The following ADAMTS13 variants were observed in gnomAD, a reference collection of about 807,000 sequenced individuals.
ADAMTS13 encodes ADAM metallopeptidase with thrombospondin type 1 motif 13.
ADAMTS13 carries 110 observed loss-of-function variants against 155.1 expected under a neutral mutation model. That is an observed-to-expected ratio of 0.71 (90% CI 0.61 to 0.83). ADAMTS13 has a LOEUF of 0.83. ADAMTS13 is among the 40% of genes least tolerant of loss of function. The probability of loss-of-function intolerance (pLI) is 0.00; values close to 1 mark genes in which losing one functional copy is unlikely to be tolerated. For synonymous variants in ADAMTS13, 758 were observed against 756.4 expected (o/e 1.00, Z -0.03); for missense variants, 1,707 against 1,891.7 (o/e 0.90, Z 1.81).
upstream of ADAMTS13, chr9:133,422,113 G>C (rs1039321018): frequency 1.4e-5 from 5 of 366,800 alleles, no homozygotes; most frequent in East Asian, 2.6e-4. Flanking sequence ...TGGGTTTCTG[G>C]TCCAGTGTCC....
At position 133,456,036 on chromosome 9, in the gene ADAMTS13, G is replaced by A; in HGVS notation, c.3401-33G>A. ...GCCTGCCCTGCTGGGAATCGGGGAA[G>A]CACTGCTTACCTGTCTCCTGCTCCC... On this transcript the variant is annotated intron_variant, in intron 25 of 28. Coordinates refer to ENST00000355699, the MANE Select transcript of ADAMTS13 (RefSeq NM_139027.6). This position sits in a 1 kb window ranked among gnomAD's most constrained non-coding sequence, Gnocchi z 4.4. 3 of 1,612,964 alleles carry A rather than the reference G, an allele frequency of 1.9e-6. No individual in the cohort carries two copies. The highest frequency in any genetic ancestry group is 2.2e-5 in the East Asian group (1 of 44,884).
chr9:133,458,723 G>A (rs4962050), intron 28 of ADAMTS13, among the ~76,000 whole-genome samples: 24 of 152,158 alleles, frequency 1.6e-4, no homozygotes, highest in African/African-American at 5.3e-4. Context: ...GGAGAACTGT[G>A]TTCTGCAGGG....
At chr9:133,435,282 G>T (rs1368262726) in intron 11 of ADAMTS13, among the ~76,000 whole-genome samples, 1 of 151,648 alleles carries the variant, frequency 6.6e-6, no homozygotes, top group Non-Finnish European at 1.5e-5. Flanking sequence ...CGCCTCCTGG[G>T]TTCAAGCGAT....
In ADAMTS13 at chr9:133,443,482, C is replaced by T. The variant is rs1554791538; in HGVS notation, c.2341C>T (p.Pro781Ser). The change falls in exon 19 of 29, where the codon CCC becomes TCC. Residue 781 changes from proline (P) to serine (S), a missense_variant. Coordinates refer to ENST00000355699, the MANE Select transcript of ADAMTS13 (RefSeq NM_139027.6). ...EAQGSLLKTL[P>S]PARCRAGAQQ... ...CCAGGGCAGCCTCCTGAAGACATTGCCCCCAGCCCGGTGCAGAGCAGGGGC... is the reference window on the plus strand; with the variant it reads ...CCAGGGCAGCCTCCTGAAGACATTGTCCCCAGCCCGGTGCAGAGCAGGGGC... 3.1e-6 allele frequency: 5 copies of T among 1,589,266 alleles called. No individual in the cohort carries two copies. In the African/African-American group the frequency reaches 4.0e-5, roughly 13 times the overall value.
Position 133,425,617 on chromosome 9 carries a change from G to A in ADAMTS13, c.414+5G>A. 6.2e-7 allele frequency: 1 copy of A among 1,613,046 alleles called. No individual in the cohort carries two copies. Among genetic ancestry groups the A allele is most frequent in the Non-Finnish European group, 8.5e-7 (1 of 1,179,760 alleles). ...GTCATTCTGACAGAGCCTGAGGTAG[G>A]CATGGAGCTGGAACTCAGCACACCA... On this transcript the variant is annotated splice_donor_5th_base_variant and intron_variant, in intron 4 of 28. Transcript: ENST00000355699. The surrounding 1 kb of genome is among the most constrained non-coding windows in gnomAD (Gnocchi z 4.6).
At position 133,445,362 on chromosome 9, in the gene ADAMTS13, C is replaced by T. The variant is rs2130891504; in HGVS notation, c.2610+310C>T. 6.6e-6 allele frequency among the ~76,000 whole-genome samples: 1 copy of T among 152,306 alleles called. No individual in the cohort carries two copies. The highest frequency in any genetic ancestry group is 1.5e-5 in the Non-Finnish European group (1 of 68,002). ...GTCCAGGGGCTGGAGGCTGACTGGC[C>T]TTGCTCTCTGGCCTGGGTGCTGGCA... On this transcript the variant is annotated intron_variant, in intron 20 of 28. Coordinates refer to ENST00000355699, the MANE Select transcript of ADAMTS13 (RefSeq NM_139027.6). This position sits in a 1 kb window ranked among gnomAD's most constrained non-coding sequence, Gnocchi z 5.0.
At position 133,425,448 on chromosome 9, in the gene ADAMTS13, G is replaced by T; in HGVS notation, c.331-81G>T. On this transcript the variant is annotated intron_variant, in intron 3 of 28. Transcript: ENST00000355699. This position sits in a 1 kb window ranked among gnomAD's most constrained non-coding sequence, Gnocchi z 4.6. ...TAGCCTCTCCAGCTCTTCACACTCC[G>T]GGGGCCCCTGGGAGTCAGCAGCTGC... 1 of 1,313,602 alleles carries T rather than the reference G, an allele frequency of 7.6e-7. No homozygotes were observed. The allele number at this position is 1,313,602 out of a possible 1,614,324, so 81.4% of individuals were successfully genotyped here. A position where few individuals can be genotyped will look rare whatever the true frequency, so the allele number is the denominator to read the frequency against.
intron 22 of ADAMTS13, 36 bp downstream of exon 22, chr9:133,448,764 TCCCTGTAA>T (rs1268615259): frequency 6.3e-7 from 1 of 1,592,792 alleles, no homozygotes; most frequent in African/African-American, 1.3e-5. Context: ...GCTGGCCTTC[TCCCTGTAA>T]GTGGGAGACC....
At chr9:133,429,253 C>G (rs1314524043) in intron 7 of ADAMTS13, among the ~76,000 whole-genome samples, 4 of 129,240 alleles carry the variant, frequency 3.1e-5, no homozygotes, top group African/African-American at 6.0e-5. Context: ...CTGTCCAACC[C>G]CTGCGCCCAC....
rs782627692 is a variant in ADAMTS13, at chr9:133,456,827, C to G, written c.3724+108C>G. 15 of 1,374,536 alleles carry G rather than the reference C, an allele frequency of 1.1e-5. No homozygotes were observed. In the South Asian group the frequency reaches 1.6e-4, roughly 15 times the overall value. 85.1% of individuals were successfully genotyped at this position (1,374,536 alleles called of 1,614,324 possible). ...GTCCCAGTGGGGCAGTGGGAAGATA[C>G]GGAGGGAACTGACTGAGATGGAAGG... On this transcript the variant is annotated intron_variant, in intron 27 of 28. Coordinates refer to ENST00000355699, the MANE Select transcript of ADAMTS13 (RefSeq NM_139027.6). This position sits in a 1 kb window ranked among gnomAD's most constrained non-coding sequence, Gnocchi z 4.4.
Position 133,445,520 on chromosome 9 carries a change from A to T in ADAMTS13, c.2611-179A>T, listed in dbSNP as rs77077297. ...AGGAGCCTGCAAAGGTGGGGTGTGCAGCAAGGATACCCGCTGCGAGACCGG... is the reference window on the plus strand; with the variant it reads ...AGGAGCCTGCAAAGGTGGGGTGTGCTGCAAGGATACCCGCTGCGAGACCGG... On this transcript the variant is annotated intron_variant, in intron 20 of 28. Coordinates refer to ENST00000355699, the MANE Select transcript of ADAMTS13 (RefSeq NM_139027.6). The surrounding 1 kb of genome is among the most constrained non-coding windows in gnomAD (Gnocchi z 5.0). Among the ~76,000 whole-genome samples, 80 of 152,328 alleles carry T rather than the reference A, an allele frequency of 5.3e-4. No individual in the cohort carries two copies. The East Asian group carries it at 0.015, about 29-fold the overall frequency.
chr9:133,451,498 T>C (rs1418446975), intron 23 of ADAMTS13, among the ~76,000 whole-genome samples: 1 of 152,216 alleles, frequency 6.6e-6, no homozygotes, highest in Admixed American at 6.5e-5. Flanking sequence ...CCTCAGGAGA[T>C]CTGCCTACCT....
rs28408693 is a variant in ADAMTS13, at chr9:133,444,646, A to C, written c.2421-217A>C. Among the ~76,000 whole-genome samples, 4,969 of 152,138 alleles carry C rather than the reference A, an allele frequency of 0.033. 104 individuals carry two copies. The highest frequency in any genetic ancestry group is 0.037 in the Non-Finnish European group (2,536 of 67,998). ...GTGCAGGTGGGGTGCCTGACTGTTG[A>C]GCAGCGAGTGCTTGTTGAATGGGAA... On this transcript the variant is annotated intron_variant, in intron 19 of 28. Transcript: ENST00000355699.
At chr9:133,455,832 T>A in intron 25 of ADAMTS13, 1 of 761,992 alleles carries the variant, frequency 1.3e-6, no homozygotes, top group Non-Finnish European at 2.2e-6. Context: ...CCCTAGCCTC[T>A]GGGCTGCTCT....
Position 133,445,638 on chromosome 9 carries a change from C to A in ADAMTS13, c.2611-61C>A. On this transcript the variant is annotated intron_variant, in intron 20 of 28. Transcript: ENST00000355699. This position sits in a 1 kb window ranked among gnomAD's most constrained non-coding sequence, Gnocchi z 5.0. ...CTGCTGCTGCCTGAGAAGATCGAGA[C>A]GGGGATCGCTGGGTCCTCAGAGGAG... 1 of 1,611,092 alleles carries A rather than the reference C, an allele frequency of 6.2e-7. No homozygotes were observed. The highest frequency in any genetic ancestry group is 2.2e-5 in the East Asian group (1 of 44,842).
In ADAMTS13 at chr9:133,443,576, A is replaced by G. The variant is rs1554791608; in HGVS notation, c.2420+15A>G. The G allele has an allele frequency of 1.3e-6, 2 of 1,532,882 alleles. No homozygotes were observed. Among genetic ancestry groups the G allele is most frequent in the Admixed American group, 2.0e-5 (1 of 51,020 alleles). The allele number at this position is 1,532,882 out of a possible 1,614,324, so 95.0% of individuals were successfully genotyped here. A position where few individuals can be genotyped will look rare whatever the true frequency, so the allele number is the denominator to read the frequency against. On this transcript the variant is annotated intron_variant, in intron 19 of 28. Coordinates refer to ENST00000355699, the MANE Select transcript of ADAMTS13 (RefSeq NM_139027.6). ...TGCCCTGCCAGGTGAGCCCAGGGCT[A>G]GGTGGGGCTGGGAGAGGGCCTTCCT...
Position 133,438,276 on chromosome 9 carries a change from C to T in ADAMTS13, c.1615C>T (p.Gln539Ter), listed in dbSNP as rs1554789690. ...TFGCDGRMDS[Q>*]QVWDRCQVCG... Reference sequence around the variant, plus strand: ...TGGCTGTGATGGTAGGATGGACTCCCAGCAGGTATGGGACAGGTGCCAGGT... The same window carrying T: ...TGGCTGTGATGGTAGGATGGACTCCTAGCAGGTATGGGACAGGTGCCAGGT... Residue 539 changes from glutamine to a stop codon, truncating the protein, a stop_gained, in exon 14 of 29, where the codon CAG becomes TAG. Coordinates refer to ENST00000355699, the MANE Select transcript of ADAMTS13 (RefSeq NM_139027.6). LOFTEE classifies it high-confidence loss of function. 6.2e-7 allele frequency: 1 copy of T among 1,614,130 alleles called. No homozygotes were observed. Among genetic ancestry groups the T allele is most frequent in the Non-Finnish European group, 8.5e-7 (1 of 1,180,014 alleles).
intron 7 of ADAMTS13, among the ~76,000 whole-genome samples, chr9:133,429,039 C>T (rs1171819591): frequency 6.6e-6 from 1 of 151,346 alleles, no homozygotes; most frequent in Non-Finnish European, 1.5e-5. Flanking sequence ...GTCCCCACTC[C>T]GCATTCAGCC....
chr9:133,414,361 C>A, exon 1 of ADAMTS13: 1 of 588,622 alleles, frequency 1.7e-6, no homozygotes, highest in Non-Finnish European at 3.2e-6. Context: ...AACCACCCAA[C>A]TGGCGAGAAG....
Sources: allele counts gnomAD v4.1 joint callset (sites outside exome capture counted in the v4.1 genomes callset), GRCh38; gene constraint gnomAD v4.1.1; non-coding constraint Gnocchi (gnomAD v3.1); transcripts MANE v1.5; gene names NCBI Gene and HGNC (gene_info 2026-07-23, HGNC 2026-07-21).